ZBP1: variants seen among roughly 807,000 people sequenced by gnomAD.
The protein encoded by ZBP1 is Z-DNA-binding protein 1.
ZBP1 carries 42 observed loss-of-function variants against 41.1 expected under a neutral mutation model. The observed-to-expected ratio is 1.02, with a 90% CI of 0.80 to 1.32. The LOEUF (loss-of-function observed/expected upper bound fraction) is 1.32. Ranked by LOEUF, ZBP1 falls within the 40% of genes most tolerant of loss-of-function variation. The pLI, the probability that ZBP1 is intolerant of heterozygous loss-of-function variation, is 0.00. For synonymous variants in ZBP1, 214 were observed against 205.2 expected (o/e 1.04, Z -0.37); for missense variants, 562 against 549.7 (o/e 1.02, Z -0.22).
Position 57,615,044 on chromosome 20 carries a change from C to A in ZBP1, c.345G>T (p.Arg115Ser). Residue 115 changes from arginine to serine, a missense_variant, in exon 4 of 8, where the codon AGG (arginine) becomes AGT (serine). Coordinates refer to ENST00000371173, the MANE Select transcript of ZBP1 (RefSeq NM_030776.3). ...FSQQREEDIY[R>S]FLKDNGPQRA... is the part of the protein sequence containing the mutation. Reference sequence around the variant, plus strand: ...TCTGGGGACCATTGTCTTTGAGAAACCTGTAGATGTCTTCCTCTGGGAGGC... The same window carrying A: ...TCTGGGGACCATTGTCTTTGAGAAAACTGTAGATGTCTTCCTCTGGGAGGC... 6.2e-7 allele frequency: 1 copy of A among 1,614,178 alleles called. No individual in the cohort carries two copies.
At chr20:57,620,124 C>A (rs1331882323) in intron 1 of ZBP1, 138 bp downstream of exon 1, 2 of 1,074,338 alleles carry the variant, frequency 1.9e-6, no homozygotes, top group Non-Finnish European at 2.8e-6. Context: ...GCGTGAGCCA[C>A]CACGCCCAGC....
Position 57,604,636 on chromosome 20 carries a change from T to C in ZBP1, c.1227A>G (p.Ala409=). Residue 409 remains alanine, a synonymous_variant, in exon 8 of 8, where the codon GCA becomes GCG. Transcript: ENST00000371173. The part of the protein sequence containing the change: ...MTLGNRSHKA[A]EGSHYVDEAS... Reference sequence around the variant, plus strand: ...CTTCATCCACATAGTGGCTGCCTTCTGCAGCTTTGTGACTCCTGTTTCCAA... The same window carrying C: ...CTTCATCCACATAGTGGCTGCCTTCCGCAGCTTTGTGACTCCTGTTTCCAA... The C allele has an allele frequency of 6.2e-7, 1 of 1,614,210 alleles. No homozygotes were observed.
chr20:57,611,634 T>C (rs758017118), intron 6 of ZBP1, 93 bp downstream of exon 6: 3 of 1,345,862 alleles, frequency 2.2e-6, no homozygotes, highest in South Asian at 1.4e-5. Flanking sequence ...TTTCCCATCA[T>C]GCTTCTCTTC....
intron 7 of ZBP1, among the ~76,000 whole-genome samples, chr20:57,609,252 C>T (rs774628119): frequency 4.6e-5 from 7 of 152,212 alleles, no homozygotes; most frequent in Non-Finnish European, 7.3e-5. Context: ...CCCGAGGCCC[C>T]GAGCTCCCTT....
intron 7 of ZBP1, among the ~76,000 whole-genome samples, chr20:57,605,317 C>T (rs1418984368): frequency 6.6e-6 from 1 of 152,158 alleles, no homozygotes; most frequent in Non-Finnish European, 1.5e-5. Flanking sequence ...CTGTGTGAAG[C>T]GAGTCTATCA....
Position 57,604,686 on chromosome 20 carries a change from T to C in ZBP1, c.1177A>G (p.Thr393Ala), listed in dbSNP as rs1213143240. The C allele has an allele frequency of 1.2e-6, 2 of 1,613,850 alleles. No homozygotes were observed. The highest frequency in any genetic ancestry group is 8.5e-7 in the Non-Finnish European group (1 of 1,179,978). ...AGAGTCATAGTTTCCAGCTTGGGGG[T>C]GAGCTTCGAGTGGCTGGGAGTGATG... ...QPITPSHSKL[T>A]PKLETMTLGN... is the part of the protein sequence containing the mutation. The change falls in exon 8 of 8, where the codon ACC becomes GCC. Residue 393 changes from threonine to alanine, a missense_variant. Physicochemically the swap from Thr to Ala is moderately conservative, Grantham distance 58. Coordinates refer to ENST00000371173, the MANE Select transcript of ZBP1 (RefSeq NM_030776.3).
intron 1 of ZBP1, chr20:57,616,833 G>A: frequency 3.6e-6 from 1 of 274,332 alleles, no homozygotes; most frequent in Non-Finnish European, 7.1e-6. Flanking sequence ...AGGGAGGCAG[G>A]GGGACCTGGG....
chr20:57,610,525 C>T lies in ZBP1; in HGVS notation c.875-158G>A, dbSNP rs565174408. The T allele has an allele frequency of 5.9e-5, 40 of 678,900 alleles. No homozygotes were observed. Among genetic ancestry groups the T allele is most frequent in the Non-Finnish European group, 9.3e-5 (37 of 398,744 alleles). The allele number at this position is 678,900 out of a possible 1,614,324, so 42.1% of individuals were successfully genotyped here. A position where few individuals can be genotyped will look rare whatever the true frequency, so the allele number is the denominator to read the frequency against. ...TGTGCCTGCCCGCCACACCTCCACC[C>T]GCCACACCTCCGCTCGTGCTGTTGT... On this transcript the variant is annotated intron_variant, in intron 6 of 7. Transcript: ENST00000371173. The surrounding 1 kb of genome is among the most constrained non-coding windows in gnomAD (Gnocchi z 5.5).
chr20:57,612,182 T>C (rs2070693011), intron 5 of ZBP1, among the ~76,000 whole-genome samples: 1 of 152,122 alleles, frequency 6.6e-6, no homozygotes, highest in South Asian at 2.1e-4. Flanking sequence ...AATGAGCTCC[T>C]TGTTCTGATT....
chr20:57,616,712 G>A, intron 1 of ZBP1: 2 of 526,324 alleles, frequency 3.8e-6, no homozygotes, highest in Non-Finnish European at 6.9e-6. Context: ...CAGGGGAGGT[G>A]CCACCTCGCC....
At position 57,610,171 on chromosome 20, in the gene ZBP1, C is replaced by G. The variant is rs745740982; in HGVS notation, c.1071G>C (p.Glu357Asp). The change falls in exon 7 of 8, where the codon GAG becomes GAC. Residue 357 changes from glutamate to aspartate, a missense_variant. Transcript: ENST00000371173. This position sits in a 1 kb window ranked among gnomAD's most constrained non-coding sequence, Gnocchi z 5.5. The part of the protein sequence containing the change: ...AGPGGVAGSG[E>D]GEPGEDAGRR... ...CACCTGCGTCCTCCCCTGGCTCCCCCTCTCCAGACCCTGCGACTCCTCCTG... is the reference window on the plus strand; with the variant it reads ...CACCTGCGTCCTCCCCTGGCTCCCCGTCTCCAGACCCTGCGACTCCTCCTG... 5.0e-6 allele frequency: 8 copies of G among 1,613,912 alleles called. No individual in the cohort carries two copies. Among genetic ancestry groups the G allele is most frequent in the East Asian group, 4.5e-5 (2 of 44,890 alleles).
chr20:57,611,922 C>T lies in ZBP1; in HGVS notation c.679G>A (p.Gly227Ser), dbSNP rs555764655. Residue 227 changes from glycine (G) to serine (S), a missense_variant, in exon 6 of 8, where the codon GGT becomes AGT. Gly to Ser is a moderately conservative substitution (Grantham distance 56). Transcript: ENST00000371173. ...GCCATTGAAGGGAGGTGGCGTGGAC[C>T]GGCGGAACCTGGCAGGGGACAGTGG... is the stretch of plus-strand genomic sequence containing the variant. Reference protein sequence around the residue: ...QTVSREDGSAGPRHLPSMAPG... With the variant: ...QTVSREDGSASPRHLPSMAPG... 3.4e-5 allele frequency: 53 copies of T among 1,557,202 alleles called. No individual in the cohort carries two copies. The highest frequency in any genetic ancestry group is 1.2e-4 in the South Asian group (10 of 84,496).
intron 7 of ZBP1, chr20:57,607,356 T>C (rs1395503430): frequency 2.4e-6 from 3 of 1,243,640 alleles, no homozygotes; most frequent in Non-Finnish European, 3.1e-6. Context: ...AATATGAAGA[T>C]GGGACTGAAT....
Position 57,604,101 on chromosome 20 carries a change from CTGACCTAT to C in ZBP1, c.*464_*471del. On this transcript the variant is annotated 3_prime_UTR_variant, in exon 8 of 8. Transcript: ENST00000371173. ...TGTTAGCCAGGACGGTCTGGATTTC[CTGACCTAT>C]TGATCCGCCCGCCTCGGCCTCCCAA... 1 of 274,186 alleles carries C rather than the reference CTGACCTAT, an allele frequency of 3.6e-6. No individual in the cohort carries two copies. Among genetic ancestry groups the C allele is most frequent in the Non-Finnish European group, 7.2e-6 (1 of 138,812 alleles). 17.0% of individuals were successfully genotyped at this position (274,186 alleles called of 1,614,324 possible). A position where few individuals can be genotyped will look rare whatever the true frequency, so the allele number is the denominator to read the frequency against.
At chr20:57,609,694 G>T (rs1315038268) in intron 7 of ZBP1, among the ~76,000 whole-genome samples, 1 of 152,110 alleles carries the variant, frequency 6.6e-6, no homozygotes, top group Non-Finnish European at 1.5e-5. Context: ...CATCTCCACT[G>T]CAGCAGGTCA....
chr20:57,609,671 C>T (rs1316351067), intron 7 of ZBP1, among the ~76,000 whole-genome samples: 1 of 152,064 alleles, frequency 6.6e-6, no homozygotes, highest in Non-Finnish European at 1.5e-5. Flanking sequence ...GCAGGCGGGG[C>T]CACCGTGTGT....
At chr20:57,620,115 C>T (rs957294383) in intron 1 of ZBP1, 147 bp downstream of exon 1, 31 of 956,086 alleles carry the variant, frequency 3.2e-5, no homozygotes, top group African/African-American at 5.0e-5. Context: ...GGATTACAGG[C>T]GTGAGCCACC....
At chr20:57,615,345 C>T (rs1398589897) in intron 3 of ZBP1, among the ~76,000 whole-genome samples, 167 bp downstream of exon 3, 1 of 152,228 alleles carries the variant, frequency 6.6e-6, no homozygotes, top group African/African-American at 2.4e-5. Context: ...TCAGATTCTC[C>T]CACTGTGAGG....
chr20:57,607,516 C>A (rs1281787222), intron 7 of ZBP1, among the ~76,000 whole-genome samples: 1 of 152,194 alleles, frequency 6.6e-6, no homozygotes, highest in African/African-American at 2.4e-5. Context: ...CTATATAAAC[C>A]TAGTTGGTAA....
Sources: allele counts gnomAD v4.1 joint callset (sites outside exome capture counted in the v4.1 genomes callset), GRCh38; gene constraint gnomAD v4.1.1; non-coding constraint Gnocchi (gnomAD v3.1); transcripts MANE v1.5; gene names NCBI Gene and HGNC (gene_info 2026-07-23, HGNC 2026-07-21).